Variants in DSCAML1 observed in about 807,000 individuals in gnomAD.
DSCAML1 encodes the protein cell adhesion molecule DSCAML1.
Under a neutral mutation model 200.5 loss-of-function variants are expected in DSCAML1, and 38 were observed. The observed-to-expected ratio is 0.19, with a 90% confidence interval of 0.15 to 0.25. The LOEUF (loss-of-function observed/expected upper bound fraction) is 0.25. DSCAML1 is among the 10% of genes least tolerant of loss of function. The pLI, the probability that DSCAML1 is intolerant of heterozygous loss-of-function variation, is 1.00. For synonymous variants in DSCAML1, 1,215 were observed against 1,165.0 expected (o/e 1.04, Z -0.87); for missense variants, 2,223 against 2,858.8 (o/e 0.78, Z 5.07).
At chr11:117,659,175 G>C (rs1021785008) in intron 3 of DSCAML1, among the ~76,000 whole-genome samples, 8 of 152,208 alleles carry the variant, frequency 5.3e-5, no homozygotes, top group Non-Finnish European at 7.3e-5. Context: ...CTAGTTTTTG[G>C]AAGACGGTGT....
chr11:117,462,067 A>G (rs1004038400), intron 17 of DSCAML1, among the ~76,000 whole-genome samples: 2 of 152,178 alleles, frequency 1.3e-5, no homozygotes, highest in African/African-American at 4.8e-5. Flanking sequence ...GGTCTGGGCC[A>G]AGGCCTGGTT....
At chr11:117,586,785 G>A (rs1229686393) in intron 3 of DSCAML1, among the ~76,000 whole-genome samples, 2 of 152,222 alleles carry the variant, frequency 1.3e-5, no homozygotes, top group African/African-American at 4.8e-5. Flanking sequence ...TGGGGACATT[G>A]CCTGAGGCAG....
At chr11:117,627,699 C>A (rs1184078989) in intron 3 of DSCAML1, among the ~76,000 whole-genome samples, 1 of 152,138 alleles carries the variant, frequency 6.6e-6, no homozygotes, top group Non-Finnish European at 1.5e-5. Flanking sequence ...TATGATCTCA[C>A]AGAAGTTTTG....
intron 3 of DSCAML1, among the ~76,000 whole-genome samples, chr11:117,610,152 A>T (rs2051659107): frequency 6.6e-6 from 1 of 152,204 alleles, no homozygotes; most frequent in Non-Finnish European, 1.5e-5. Context: ...GGGGAGAGAA[A>T]TTGTGACTGC....
chr11:117,804,689 G>A lies in DSCAML1; in HGVS notation c.-250+12701C>T, dbSNP rs556882503. Among the ~76,000 whole-genome samples the A allele has an allele frequency of 7.9e-5, 12 of 152,250 alleles. No individual in the cohort carries two copies. The South Asian group carries it at 2.3e-3, about 29-fold the overall frequency. The stretch of plus-strand genomic sequence containing the variant: ...CTCACGCCTGTAATCCCAGCACTTC[G>A]AGAGGCTGAGGTGAGAGGGTCACTT... On this transcript the variant is annotated intron_variant, in intron 1 of 2. Transcript: ENST00000525836.
chr11:117,691,274 G>T (rs888767712), intron 3 of DSCAML1, among the ~76,000 whole-genome samples: 1 of 152,144 alleles, frequency 6.6e-6, no homozygotes, highest in African/African-American at 2.4e-5. Flanking sequence ...GCAGGGAGGG[G>T]TGAGTCTGAG....
chr11:117,690,446 G>A (rs1163836337), intron 3 of DSCAML1, among the ~76,000 whole-genome samples: 5 of 152,254 alleles, frequency 3.3e-5, no homozygotes, highest in African/African-American at 7.2e-5. Flanking sequence ...CTGCCCTCAC[G>A]GGCCTTTCAA....
At chr11:117,778,060 C>T (rs1333873616) in intron 2 of DSCAML1, among the ~76,000 whole-genome samples, 1 of 152,214 alleles carries the variant, frequency 6.6e-6, no homozygotes, top group Non-Finnish European at 1.5e-5. Flanking sequence ...TGACTGTGCA[C>T]CTGCAGCCCC....
In DSCAML1 at chr11:117,503,813, G is replaced by C. The variant is rs1370988336; in HGVS notation, c.2359+32C>G. The stretch of plus-strand genomic sequence containing the variant: ...AGCCGGGGCTTGGCTGTGATTTGGG[G>C]GTGCTAGGGGGCGTGTGGGGACAGG... On this transcript the variant is annotated intron_variant, in intron 11 of 32. Transcript: ENST00000651296. This position sits in a 1 kb window ranked among gnomAD's most constrained non-coding sequence, Gnocchi z 5.2. The C allele has an allele frequency of 1.7e-5, 28 of 1,600,508 alleles. No individual in the cohort carries two copies. The Admixed American group carries it at 4.5e-4, about 26-fold the overall frequency.
chr11:117,778,663 T>C (rs541897462), intron 2 of DSCAML1, among the ~76,000 whole-genome samples: 1 of 152,352 alleles, frequency 6.6e-6, no homozygotes, highest in East Asian at 1.9e-4. Flanking sequence ...TTTGTTTTAA[T>C]CTCTTCATTT....
rs1290026083 is a variant in DSCAML1, at chr11:117,514,263, G to A, written c.1783+2204C>T. On this transcript the variant is annotated intron_variant, in intron 8 of 32. Transcript: ENST00000651296. ...CTCTCTTCCCTTGGGGATACAAAGGGGGTTCTCCCCAGCTTCCCCTCCCCA... is the reference window on the plus strand; with the variant it reads ...CTCTCTTCCCTTGGGGATACAAAGGAGGTTCTCCCCAGCTTCCCCTCCCCA... Among the ~76,000 whole-genome samples, 7 of 152,202 alleles carry A rather than the reference G, an allele frequency of 4.6e-5. No individual in the cohort carries two copies. The East Asian group carries it at 1.3e-3, about 29-fold the overall frequency.
chr11:117,692,851 C>T (rs770481425), intron 3 of DSCAML1, among the ~76,000 whole-genome samples: 1 of 152,196 alleles, frequency 6.6e-6, no homozygotes, highest in Non-Finnish European at 1.5e-5. Context: ...TTCTACAGCT[C>T]CCAAGTTCTG....
chr11:117,769,518 A>ATT (rs2054995696), intron 3 of DSCAML1, among the ~76,000 whole-genome samples: 3 of 81,732 alleles, frequency 3.7e-5, no homozygotes, highest in East Asian at 2.5e-4. Context: ...TTTTATATAT[A>ATT]TTATATATAT....
At chr11:117,592,836 G>A (rs1324373187) in intron 3 of DSCAML1, among the ~76,000 whole-genome samples, 1 of 152,220 alleles carries the variant, frequency 6.6e-6, no homozygotes, top group Non-Finnish European at 1.5e-5. Flanking sequence ...TCTGCTTCCA[G>A]AGACCAGGCT....
chr11:117,430,486 G>T (rs1233155285), intron 32 of DSCAML1, among the ~76,000 whole-genome samples: 2 of 152,206 alleles, frequency 1.3e-5, no homozygotes, highest in East Asian at 3.8e-4. Context: ...GAAACTTAAG[G>T]CCACAGAGGT....
intron 3 of DSCAML1, among the ~76,000 whole-genome samples, chr11:117,638,315 A>AGTGTGTGTGTGTGTGT (rs59327038): frequency 2.2e-5 from 3 of 135,128 alleles, no homozygotes; most frequent in African/African-American, 2.8e-5. Context: ...CAAGATAGCA[A>AGTGTGTGTGTGTGTGT]GTGTGTGTGT....
At chr11:117,681,668 C>T (rs1028406398) in intron 3 of DSCAML1, among the ~76,000 whole-genome samples, 2 of 152,204 alleles carry the variant, frequency 1.3e-5, no homozygotes, top group Non-Finnish European at 2.9e-5. Flanking sequence ...CCAGTTCCAG[C>T]ATCCTCCTCT....
At chr11:117,481,925 G>C in intron 12 of DSCAML1, 38 bp downstream of exon 12, 1 of 1,611,354 alleles carries the variant, frequency 6.2e-7, no homozygotes, top group African/African-American at 1.3e-5. Context: ...CACTCTCTGA[G>C]AGTTGGGGTC....
intron 11 of DSCAML1, among the ~76,000 whole-genome samples, chr11:117,499,345 G>A (rs1473842167): frequency 1.3e-5 from 2 of 152,196 alleles, no homozygotes; most frequent in Non-Finnish European, 1.5e-5. Context: ...TGCTGCTACA[G>A]TCACAGCTAG....
Sources: allele counts gnomAD v4.1 joint callset (sites outside exome capture counted in the v4.1 genomes callset), GRCh38; gene constraint gnomAD v4.1.1; non-coding constraint Gnocchi (gnomAD v3.1); transcripts MANE v1.5; gene names NCBI Gene and HGNC (gene_info 2026-07-23, HGNC 2026-07-21).